NSMCE4A: variants seen among roughly 807,000 people sequenced by gnomAD.
NSMCE4A encodes the protein non-structural maintenance of chromosomes element 4 homolog A.
NSMCE4A carries 40 observed loss-of-function variants against 47.9 expected under a neutral mutation model. The observed-to-expected ratio is 0.83, with a 90% CI of 0.65 to 1.09. NSMCE4A has a LOEUF of 1.09. Among genes scored for constraint, NSMCE4A ranks in the 50% least tolerant of loss-of-function variants. NSMCE4A has a pLI of 0.00. For missense variants in NSMCE4A, 500 were observed against 507.0 expected (o/e 0.99, Z 0.13); for synonymous variants, 166 against 178.5 (o/e 0.93, Z 0.56).
intron 1 of NSMCE4A, chr10:121,974,518 C>G: frequency 9.9e-7 from 1 of 1,007,222 alleles, no homozygotes; most frequent in Non-Finnish European, 1.2e-6. Flanking sequence ...GCTGCCGCTG[C>G]GAGGCCGGGA....
At chr10:121,974,448 G>C in intron 1 of NSMCE4A, 1 of 1,010,788 alleles carries the variant, frequency 9.9e-7, no homozygotes, top group Non-Finnish European at 1.2e-6. Flanking sequence ...CGAATTCCGC[G>C]GGTCCGGGTG....
intron 2 of NSMCE4A, among the ~76,000 whole-genome samples, chr10:121,973,238 CAA>C (rs11327063): frequency 0.43 from 56,101 of 131,934 alleles, 11,319 homozygotes; most frequent in African/African-American, 0.51. Flanking sequence ...TCTCAAACCT[CAA>C]AAAAAAAAAA....
intron 2 of NSMCE4A, 51 bp downstream of exon 2, chr10:121,973,953 C>A (rs1485653022): frequency 1.6e-6 from 2 of 1,273,704 alleles, no homozygotes; most frequent in Non-Finnish European, 2.2e-6. Context: ...TTATGTAACA[C>A]TAATTAAAAG....
rs185676745 is a variant in NSMCE4A at position 121,967,878 on chromosome 10, A to G, written c.502-72T>C. ...TCATTTTCCACATCCAATAATCCGC[A>G]TCACTCAACCTTTAAGAGGCCAGAC... On this transcript the variant is annotated intron_variant, in intron 3 of 10. Transcript: ENST00000369023. 2.2e-4 allele frequency: 324 copies of G among 1,503,378 alleles called. 3 individuals carry two copies. The East Asian group carries it at 6.2e-3, about 29-fold the overall frequency. The allele number at this position is 1,503,378 out of a possible 1,614,324, so 93.1% of individuals were successfully genotyped here.
At chr10:121,964,095 C>CAAAAA (rs143527895) in intron 5 of NSMCE4A, among the ~76,000 whole-genome samples, 1 of 117,264 alleles carries the variant, frequency 8.5e-6, no homozygotes. Flanking sequence ...GACTCTGTCT[C>CAAAAA]AAAAAAAATT....
chr10:121,967,733 A>G lies in NSMCE4A; in HGVS notation c.575T>C (p.Phe192Ser). Residue 192 changes from phenylalanine to serine, a missense_variant, in exon 4 of 11, where the codon TTC becomes TCC. Phe to Ser is a radical substitution (Grantham distance 155). Transcript: ENST00000369023. The part of the protein sequence containing the change: ...IRDEDSPDFE[F>S]IVYDSWKITG... ...TATCTTCCAGGAGTCATAGACTATGAATTCAAAATCAGGACTATCTTCATC... is the reference window on the plus strand; with the variant it reads ...TATCTTCCAGGAGTCATAGACTATGGATTCAAAATCAGGACTATCTTCATC... 1 of 1,614,192 alleles carries G rather than the reference A, an allele frequency of 6.2e-7. No homozygotes were observed. Among genetic ancestry groups the G allele is most frequent in the Non-Finnish European group, 8.5e-7 (1 of 1,180,010 alleles).
intron 2 of NSMCE4A, among the ~76,000 whole-genome samples, chr10:121,971,274 G>A (rs1444646133): frequency 6.6e-6 from 1 of 152,078 alleles, no homozygotes; most frequent in South Asian, 2.1e-4. Flanking sequence ...ACTTTGGGAG[G>A]CCAAGGCGGG....
intron 1 of NSMCE4A, 61 bp downstream of exon 1, chr10:121,974,813 C>A (rs1952786577): frequency 8.0e-7 from 1 of 1,247,446 alleles, no homozygotes; most frequent in Non-Finnish European, 1.0e-6. Flanking sequence ...CCCCCCGCGC[C>A]CGGCGCAGGG....
intron 10 of NSMCE4A, among the ~76,000 whole-genome samples, 170 bp from the exon 11 acceptor site, chr10:121,957,429 C>CTTTTT (rs34808169): frequency 5.1e-5 from 5 of 98,346 alleles, no homozygotes; most frequent in Non-Finnish European, 6.4e-5. Context: ...CTTCTTTTTT[C>CTTTTT]TTTTTTTTTT....
intron 10 of NSMCE4A, among the ~76,000 whole-genome samples, chr10:121,957,633 A>T (rs1026248570): frequency 6.6e-6 from 1 of 151,488 alleles, no homozygotes. Flanking sequence ...ACGGGGTTTC[A>T]CCGTGTTAGC....
chr10:121,959,741 A>T (rs1952464499), intron 8 of NSMCE4A, 146 bp from the exon 9 acceptor site: 1 of 622,410 alleles, frequency 1.6e-6, no homozygotes, highest in South Asian at 2.0e-5. Flanking sequence ...TTCATGCATT[A>T]TGGAGCTGCT....
chr10:121,974,733 G>A (rs1486888443), intron 1 of NSMCE4A, 141 bp downstream of exon 1: 2 of 1,147,616 alleles, frequency 1.7e-6, no homozygotes, highest in Non-Finnish European at 2.1e-6. Flanking sequence ...GTGCGGCGAG[G>A]GGCTGGCACC....
intron 4 of NSMCE4A, 43 bp downstream of exon 4, chr10:121,967,612 G>C: frequency 6.3e-7 from 1 of 1,580,390 alleles, no homozygotes; most frequent in East Asian, 2.2e-5. Flanking sequence ...GCAATTTAAG[G>C]TTCACAAATA....
chr10:121,964,119 A>C (rs1474183114), intron 5 of NSMCE4A, among the ~76,000 whole-genome samples: 1 of 136,824 alleles, frequency 7.3e-6, no homozygotes, highest in Non-Finnish European at 1.6e-5. Flanking sequence ...GTTTAAAAAA[A>C]AACAGATTTT....
chr10:121,970,427 A>C (rs369442275), intron 3 of NSMCE4A, among the ~76,000 whole-genome samples: 1 of 144,662 alleles, frequency 6.9e-6, no homozygotes, highest in African/African-American at 2.6e-5. Flanking sequence ...AGCCGAGATC[A>C]CGCCACTGCA....
chr10:121,965,372 A>G lies in NSMCE4A; in HGVS notation c.667T>C (p.Tyr223His). The G allele has an allele frequency of 6.2e-7, 1 of 1,611,628 alleles. No individual in the cohort carries two copies. Residue 223 changes from tyrosine (Y) to histidine (H), a missense_variant, in exon 5 of 11, where the codon TAC becomes CAC. Transcript: ENST00000369023. ...HTFHFLLGSI[Y>H]GECPVPKPRV... The stretch of plus-strand genomic sequence containing the variant: ...GGCTTTGGCACAGGGCACTCTCCGT[A>G]TATTGAACCCAACCTAATGAAAAGT...
At chr10:121,964,304 G>A (rs1276412070) in intron 5 of NSMCE4A, among the ~76,000 whole-genome samples, 1 of 151,246 alleles carries the variant, frequency 6.6e-6, no homozygotes, top group Non-Finnish European at 1.5e-5. Context: ...CACCACATCT[G>A]GCTAATTTTT....
intron 5 of NSMCE4A, among the ~76,000 whole-genome samples, chr10:121,963,923 C>T (rs1462831060): frequency 4.0e-5 from 6 of 150,654 alleles, no homozygotes; most frequent in South Asian, 2.1e-4. Flanking sequence ...ATGGTGAAAC[C>T]GTCTCTATTA....
At chr10:121,965,247 TTTAATGTG>T (rs1952584836) in intron 5 of NSMCE4A, 31 bp downstream of exon 5, 1 of 1,426,352 alleles carries the variant, frequency 7.0e-7, no homozygotes, top group Non-Finnish European at 9.8e-7. Context: ...CTATTTTAAC[TTTAATGTG>T]TTTTTTTAAA....
Sources: allele counts gnomAD v4.1 joint callset (sites outside exome capture counted in the v4.1 genomes callset), GRCh38; gene constraint gnomAD v4.1.1; transcripts MANE v1.5; gene names NCBI Gene and HGNC (gene_info 2026-07-23, HGNC 2026-07-21).